PCDH11X: variants seen among roughly 807,000 people sequenced by gnomAD.
PCDH11X encodes protocadherin 11 X-linked.
PCDH11X carries 18 observed loss-of-function variants against 53.3 expected under a neutral mutation model. The ratio of observed to expected loss-of-function variants is 0.34; its 90% CI spans 0.23 to 0.50. The LOEUF (loss-of-function observed/expected upper bound fraction) is 0.50, where lower values mean the gene tolerates loss of function less well. Among genes scored for constraint, PCDH11X ranks in the 20% least tolerant of loss-of-function variants. The pLI, the probability that PCDH11X is intolerant of heterozygous loss-of-function variation, is 0.98. For missense variants in PCDH11X, 570 were observed against 1,032.4 expected, an observed-to-expected ratio of 0.55 and a Z score of 6.14; for synonymous variants, 279 against 393.3, an observed-to-expected ratio of 0.71 and a Z score of 3.44.
chrX:92,585,221 A>G (rs911890134), intron 10 of PCDH11X, among the ~76,000 whole-genome samples: 70 of 110,503 alleles, frequency 6.3e-4, no homozygotes, highest in African/African-American at 2.2e-3. Context: ...TGAAGGATTC[A>G]TCCCCGTAAT....
intron 10 of PCDH11X, among the ~76,000 whole-genome samples, chrX:92,614,218 G>A (rs1396518560): frequency 9.0e-6 from 1 of 111,331 alleles, no homozygotes; most frequent in Admixed American, 9.6e-5. Context: ...ATTTTTCATA[G>A]TGCTAGAATT....
intron 6 of PCDH11X, among the ~76,000 whole-genome samples, chrX:92,185,553 A>G (rs2066076777): frequency 2.7e-5 from 3 of 111,778 alleles, no homozygotes; most frequent in Non-Finnish European, 5.6e-5. Context: ...AAAAGAAACA[A>G]TCAACAGAGT....
chrX:92,612,532 GT>G (rs775910137), intron 10 of PCDH11X, among the ~76,000 whole-genome samples: 3 of 110,353 alleles, frequency 2.7e-5, no homozygotes, highest in Non-Finnish European at 5.7e-5. Flanking sequence ...TTTTTCAATA[GT>G]TTGTATGATT....
At position 92,154,652 on chromosome X, in the gene PCDH11X, A is replaced by G. The variant is rs762548658; in HGVS notation, c.3034-46723A>G. ...AGCGGCTGGACAGCGTGAGGAACAC[A>G]TCGGCGGAAGAAGACACAAGCGGCT... On this transcript the variant is annotated intron_variant, in intron 6 of 10. Transcript: ENST00000682573. 3.8e-3 allele frequency among the ~76,000 whole-genome samples: 425 copies of G among 110,861 alleles called. 2 individuals are homozygous for G. The highest frequency in any genetic ancestry group is 0.014 in the African/African-American group (412 of 30,179).
At chrX:92,042,865 T>C (rs1461509844) in intron 6 of PCDH11X, among the ~76,000 whole-genome samples, 4 of 108,842 alleles carry the variant, frequency 3.7e-5, no homozygotes, top group South Asian at 8.0e-4. Context: ...GGTCTTGAAC[T>C]CCTGACCTCG....
intron 10 of PCDH11X, among the ~76,000 whole-genome samples, chrX:92,604,195 A>G (rs1926543399): frequency 9.1e-6 from 1 of 110,001 alleles, no homozygotes; most frequent in Admixed American, 9.8e-5. Flanking sequence ...TTAATAAAAT[A>G]TAATTTATAA....
intron 7 of PCDH11X, among the ~76,000 whole-genome samples, chrX:92,261,597 T>A (rs1205607958): frequency 9.0e-6 from 1 of 111,724 alleles, no homozygotes; most frequent in Non-Finnish European, 1.9e-5. Flanking sequence ...ACATCTAACA[T>A]TAATCTATTG....
intron 7 of PCDH11X, among the ~76,000 whole-genome samples, chrX:92,242,052 A>G (rs955633161): frequency 9.2e-6 from 1 of 108,805 alleles, no homozygotes; most frequent in Non-Finnish European, 1.9e-5. Flanking sequence ...AGCTGAGATC[A>G]TGCCACTGCA....
At chrX:92,319,505 A>T (rs1325584944) in intron 8 of PCDH11X, among the ~76,000 whole-genome samples, 1 of 111,678 alleles carries the variant, frequency 9.0e-6, no homozygotes, top group Non-Finnish European at 1.9e-5. Context: ...AAAGTCTTAT[A>T]TGCCTTCATT....
intron 6 of PCDH11X, among the ~76,000 whole-genome samples, chrX:91,963,514 C>G (rs2061821714): frequency 1.8e-5 from 2 of 111,351 alleles, no homozygotes; most frequent in Admixed American, 1.9e-4. Context: ...CCACTATCAG[C>G]ATTTTGGTCA....
At chrX:92,315,527 T>C (rs1427840480) in intron 8 of PCDH11X, among the ~76,000 whole-genome samples, 1 of 111,477 alleles carries the variant, frequency 9.0e-6, no homozygotes, top group East Asian at 2.8e-4. Context: ...ATAGAAATGA[T>C]CAAATTATTT....
At chrX:92,304,789 G>A (rs1020180557) in intron 8 of PCDH11X, among the ~76,000 whole-genome samples, 4 of 112,352 alleles carry the variant, frequency 3.6e-5, no homozygotes, top group Non-Finnish European at 7.5e-5. Context: ...TACTCTTTAT[G>A]TTAAAAATCA....
At chrX:92,004,898 C>G (rs1214720374) in intron 6 of PCDH11X, among the ~76,000 whole-genome samples, 1 of 107,819 alleles carries the variant, frequency 9.3e-6, no homozygotes, top group East Asian at 2.9e-4. Context: ...GCCTCAGCCT[C>G]CCAAGTAGCT....
At chrX:91,931,744 A>G (rs1029156086) in intron 6 of PCDH11X, among the ~76,000 whole-genome samples, 1 of 110,625 alleles carries the variant, frequency 9.0e-6, no homozygotes, top group African/African-American at 3.3e-5. Flanking sequence ...ATTTAATCCT[A>G]TAGAGAAGTC....
chrX:92,594,256 T>C (rs1413474270), intron 10 of PCDH11X, among the ~76,000 whole-genome samples: 1 of 107,939 alleles, frequency 9.3e-6, no homozygotes, highest in Non-Finnish European at 1.9e-5. Context: ...TTTGACAAAC[T>C]TTCCATGGTC....
At chrX:92,214,833 G>C (rs891423864) in intron 7 of PCDH11X, among the ~76,000 whole-genome samples, 10 of 110,876 alleles carry the variant, frequency 9.0e-5, no homozygotes, top group Non-Finnish European at 1.9e-4. Context: ...TGGATCATTT[G>C]CACCCAAGAG....
At chrX:91,838,305 GT>G (rs1937377339) in intron 5 of PCDH11X, among the ~76,000 whole-genome samples, 2 of 111,658 alleles carry the variant, frequency 1.8e-5, no homozygotes, top group Admixed American at 9.6e-5. Context: ...CTCACTACAG[GT>G]TCTTAGATGA....
In PCDH11X at chrX:92,417,684, T is replaced by C. The variant is rs2071846897; in HGVS notation, c.3343+29751T>C. ...AGGTAAAAATGACTGGTGGAAAAGA[T>C]TGTGAAACTGTTACAGGCTATGAAT... On this transcript the variant is annotated intron_variant, in intron 9 of 10. Transcript: ENST00000682573. 6.3e-5 allele frequency among the ~76,000 whole-genome samples: 7 copies of C among 110,905 alleles called. No individual in the cohort carries two copies. In the South Asian group the frequency reaches 1.9e-3, roughly 30 times the overall value.
chrX:91,909,802 C>A (rs1002171025), intron 6 of PCDH11X, among the ~76,000 whole-genome samples: 12 of 110,991 alleles, frequency 1.1e-4, no homozygotes, highest in African/African-American at 3.3e-4. Flanking sequence ...GTATAATGCG[C>A]AAATCAAAAT....
Sources: allele counts gnomAD v4.1 joint callset (sites outside exome capture counted in the v4.1 genomes callset), GRCh38; gene constraint gnomAD v4.1.1; transcripts MANE v1.5; gene names NCBI Gene and HGNC (gene_info 2026-07-23, HGNC 2026-07-21).